RAB14: variants seen among roughly 807,000 people sequenced by gnomAD.
The protein encoded by RAB14 is RAB14, member RAS oncogene family, also known as ras-related protein Rab-14.
RAB14 carries 3 observed loss-of-function variants against 31.1 expected under a neutral mutation model. The ratio of observed to expected loss-of-function variants is 0.10; its 90% confidence interval spans 0.04 to 0.25. The LOEUF is 0.25. Among genes scored for constraint, RAB14 ranks in the 10% least tolerant of loss-of-function variants. RAB14 has a pLI of 1.00. For missense variants in RAB14, 111 were observed against 260.1 expected (o/e 0.43, Z 3.94); for synonymous variants, 85 against 84.9 (o/e 1.00, Z 0.00).
At position 121,190,610 on chromosome 9, in the gene RAB14, A is replaced by G. The variant is rs752879701; in HGVS notation, c.228T>C (p.Val76=). ...CAGCTCCTCTGTAGTAGCTCCGTGT[A>G]ACAGCCCTAAATCGCTCCTGTCCTG... is the stretch of plus-strand genomic sequence containing the variant. ...DTAGQERFRA[V]TRSYYRGAAG... Residue 76 remains valine, a synonymous_variant, in exon 4 of 8, where the codon GTT becomes GTC. Coordinates refer to ENST00000373840, the MANE Select transcript of RAB14 (RefSeq NM_016322.4). 17 of 1,613,364 alleles carry G rather than the reference A, an allele frequency of 1.1e-5. 1 individual carries two copies. In the South Asian group the frequency reaches 1.8e-4, roughly 17 times the overall value.
At chr9:121,192,265 C>T (rs768234307) in intron 2 of RAB14, 41 bp from the exon 3 acceptor site, 10 of 1,474,276 alleles carry the variant, frequency 6.8e-6, no homozygotes, top group Non-Finnish European at 9.3e-6. Flanking sequence ...AATTACATTT[C>T]TCAATTTTAT....
rs1430671804 is a variant in RAB14, at chr9:121,179,501, G to GTTTGTTTGT, written c.*1886_*1894dup. On this transcript the variant is annotated 3_prime_UTR_variant, in exon 8 of 8. Transcript: ENST00000373840. ...TTGCTACCTTATATCCCAATGGGTGGTTTGTTTGTTTTGTTTTTGTAAATA... is the reference window on the plus strand; with the variant it reads ...TTGCTACCTTATATCCCAATGGGTGGTTTGTTTGTTTTGTTTGTTTTGTTTTTGTAAATA... 2.0e-5 allele frequency: 3 copies of GTTTGTTTGT among 152,198 alleles called. No individual in the cohort carries two copies. The East Asian group carries it at 5.8e-4, about 30-fold the overall frequency. The allele number at this position is 152,198 out of a possible 1,614,324, so 9.4% of individuals were successfully genotyped here. A position where few individuals can be genotyped will look rare whatever the true frequency, so the allele number is the denominator to read the frequency against.
intron 4 of RAB14, 114 bp from the exon 5 acceptor site, chr9:121,187,133 C>T: frequency 1.8e-6 from 1 of 559,856 alleles, no homozygotes; most frequent in African/African-American, 2.0e-5. Context: ...TTGCTTTGAC[C>T]AGTTACTCAG....
chr9:121,188,710 TG>T (rs767568211), intron 4 of RAB14, among the ~76,000 whole-genome samples: 17 of 151,970 alleles, frequency 1.1e-4, no homozygotes, highest in Admixed American at 2.0e-4. Flanking sequence ...AGAAAAAAAT[TG>T]CTGTCATGAC....
Position 121,179,962 on chromosome 9 carries a change from TGAA to T in RAB14, c.*1431_*1433del, listed in dbSNP as rs1183498493. On this transcript the variant is annotated 3_prime_UTR_variant, in exon 8 of 8. Coordinates refer to ENST00000373840, the MANE Select transcript of RAB14 (RefSeq NM_016322.4). ...ATGCAATAAAAAAAATCAACAGAAATGAAGAACTTAATAAAACATGTTGTCCAA... is the reference window on the plus strand; with the variant it reads ...ATGCAATAAAAAAAATCAACAGAAATGAACTTAATAAAACATGTTGTCCAA... The T allele has an allele frequency of 6.6e-6, 1 of 152,568 alleles. No individual in the cohort carries two copies. Among genetic ancestry groups the T allele is most frequent in the Non-Finnish European group, 1.5e-5 (1 of 68,030 alleles). The allele number at this position is 152,568 out of a possible 1,614,324, so 9.5% of individuals were successfully genotyped here.
chr9:121,183,910 T>C (rs1427585634), intron 5 of RAB14, among the ~76,000 whole-genome samples: 1 of 152,186 alleles, frequency 6.6e-6, no homozygotes, highest in African/African-American at 2.4e-5. Flanking sequence ...CTGTAAATAC[T>C]GTAATTGTGG....
At chr9:121,192,049 G>GT in intron 3 of RAB14, 122 bp downstream of exon 3, 1 of 663,894 alleles carries the variant, frequency 1.5e-6, no homozygotes, top group East Asian at 2.9e-5. Flanking sequence ...TTTAAAAAAA[G>GT]TACAAATATA....
rs935619355 is a variant in RAB14, at chr9:121,180,723, C to T, written c.*673G>A. On this transcript the variant is annotated 3_prime_UTR_variant, in exon 8 of 8. Transcript: ENST00000373840. ...ATATACACAGAATGTATTGTTAGTT[C>T]GATTCCTTCAAATTTTATACATATT... 4.6e-5 allele frequency: 7 copies of T among 152,384 alleles called. No individual in the cohort carries two copies. Among genetic ancestry groups the T allele is most frequent in the Admixed American group, 2.0e-4 (3 of 15,250 alleles). 9.4% of individuals were successfully genotyped at this position (152,384 alleles called of 1,614,324 possible).
intron 1 of RAB14, among the ~76,000 whole-genome samples, chr9:121,198,341 C>T (rs2053730160): frequency 6.6e-6 from 1 of 152,086 alleles, no homozygotes; most frequent in Non-Finnish European, 1.5e-5. Flanking sequence ...GCCAATAATA[C>T]GATTGGGTTC....
intron 4 of RAB14, among the ~76,000 whole-genome samples, chr9:121,188,448 C>A (rs1306497957): frequency 6.6e-6 from 1 of 151,346 alleles, no homozygotes; most frequent in Non-Finnish European, 1.5e-5. Context: ...GCCAATGATT[C>A]TGGTAATTGT....
intron 1 of RAB14, among the ~76,000 whole-genome samples, chr9:121,199,928 A>G (rs954540300): frequency 1.3e-5 from 2 of 152,214 alleles, no homozygotes; most frequent in African/African-American, 4.8e-5. Context: ...CATTCATTCA[A>G]AAGATATTAA....
intron 1 of RAB14, among the ~76,000 whole-genome samples, chr9:121,195,146 T>C (rs1325845097): frequency 6.6e-6 from 1 of 152,144 alleles, no homozygotes; most frequent in Non-Finnish European, 1.5e-5. Context: ...CTGGATTATT[T>C]ACCTGATCTC....
intron 1 of RAB14, among the ~76,000 whole-genome samples, chr9:121,196,465 C>T (rs1011818417): frequency 4.6e-5 from 7 of 152,138 alleles, no homozygotes; most frequent in African/African-American, 1.7e-4. Context: ...CATACAATTT[C>T]ATTTAATCCT....
rs1339421465 is a variant in RAB14 at position 121,179,970 on chromosome 9, TTAA to T, written c.*1423_*1425del. On this transcript the variant is annotated 3_prime_UTR_variant, in exon 8 of 8. Transcript: ENST00000373840. ...AAAAAAATCAACAGAAATGAAGAAC[TTAA>T]TAAAACATGTTGTCCAAAAAAATAA... 3 of 152,566 alleles carry T rather than the reference TTAA, an allele frequency of 2.0e-5. No homozygotes were observed. The highest frequency in any genetic ancestry group is 1.3e-4 in the Admixed American group (2 of 15,284). The allele number at this position is 152,566 out of a possible 1,614,324, so 9.5% of individuals were successfully genotyped here.
intron 5 of RAB14, among the ~76,000 whole-genome samples, chr9:121,183,681 T>C (rs2053645228): frequency 6.6e-6 from 1 of 152,216 alleles, no homozygotes; most frequent in South Asian, 2.1e-4. Context: ...ACATGTTCGT[T>C]GCTGGGTTTT....
At chr9:121,194,635 A>G (rs79393820) in intron 1 of RAB14, among the ~76,000 whole-genome samples, 6 of 151,918 alleles carry the variant, frequency 3.9e-5, no homozygotes, top group Non-Finnish European at 7.4e-5. Flanking sequence ...TCTGACTTAC[A>G]GTATTTTTAA....
chr9:121,197,367 T>C (rs1169137707), intron 1 of RAB14, among the ~76,000 whole-genome samples: 5 of 152,304 alleles, frequency 3.3e-5, no homozygotes, highest in South Asian at 2.1e-4. Flanking sequence ...TGTGAAAATA[T>C]ACCATTTTTC....
chr9:121,194,898 C>G (rs900208098), intron 1 of RAB14, among the ~76,000 whole-genome samples: 10 of 152,158 alleles, frequency 6.6e-5, no homozygotes, highest in African/African-American at 2.4e-4. Flanking sequence ...ACTTAGCTAT[C>G]TGTATTACAT....
At position 121,179,537 on chromosome 9, in the gene RAB14, C is replaced by T; in HGVS notation, c.*1859G>A. On this transcript the variant is annotated 3_prime_UTR_variant, in exon 8 of 8. Coordinates refer to ENST00000373840, the MANE Select transcript of RAB14 (RefSeq NM_016322.4). ...TTGTTTTTGTAAATATACACACACA[C>T]CAGCAGGTCATGGTCCCTGGGTGAG... 1 of 152,620 alleles carries T rather than the reference C, an allele frequency of 6.6e-6. No individual in the cohort carries two copies. Among genetic ancestry groups the T allele is most frequent in the East Asian group, 1.9e-4 (1 of 5,202 alleles). The allele number at this position is 152,620 out of a possible 1,614,324, so 9.5% of individuals were successfully genotyped here.
Sources: allele counts gnomAD v4.1 joint callset (sites outside exome capture counted in the v4.1 genomes callset), GRCh38; gene constraint gnomAD v4.1.1; transcripts MANE v1.5; gene names NCBI Gene and HGNC (gene_info 2026-07-23, HGNC 2026-07-21).